The following EPM2A variants were observed in gnomAD, a reference collection of about 807,000 sequenced individuals.
EPM2A encodes laforin.
In EPM2A, 21 loss-of-function variants were observed where a neutral mutation model predicts 26.5. That is an observed-to-expected ratio of 0.79 (90% CI 0.56 to 1.14). The LOEUF (loss-of-function observed/expected upper bound fraction) is 1.14. Among genes scored for constraint, EPM2A ranks in the 50% most tolerant of loss-of-function variants. The probability of loss-of-function intolerance (pLI) is 0.00; values close to 1 mark genes in which losing one functional copy is unlikely to be tolerated. For missense variants in EPM2A, 458 were observed against 440.8 expected (o/e 1.04, Z -0.35); for synonymous variants, 217 against 177.6 (o/e 1.22, Z -1.76).
intron 2 of EPM2A, among the ~76,000 whole-genome samples, chr6:145,548,773 C>T (rs1023541331): frequency 1.8e-4 from 27 of 152,044 alleles, no homozygotes; most frequent in African/African-American, 5.3e-4. Flanking sequence ...GAGCTAAACT[C>T]GGCTCTCACT....
rs141101863 is a variant in EPM2A at position 145,437,211 on chromosome 6, C to A, written c.556-53114G>T. Among the ~76,000 whole-genome samples the A allele has an allele frequency of 3.0e-4, 45 of 152,104 alleles. No individual in the cohort carries two copies. In the East Asian group the frequency reaches 8.0e-3, roughly 27 times the overall value. ...TCTGATGGTTTAAAAGTGTGTGGTA[C>A]TTCCCCCACCGCCCCCCTCCTGCCT... On this transcript the variant is annotated intron_variant, in intron 4 of 4. Coordinates refer to the EPM2A transcript ENST00000638717.
intron 2 of EPM2A, among the ~76,000 whole-genome samples, chr6:145,593,615 A>G (rs1377711740): frequency 6.6e-6 from 1 of 152,110 alleles, no homozygotes; most frequent in Non-Finnish European, 1.5e-5. Flanking sequence ...ACTAGAATTT[A>G]GCAACAGAAA....
intron 1 of EPM2A, among the ~76,000 whole-genome samples, chr6:145,720,651 C>T (rs910460289): frequency 1.3e-5 from 2 of 152,170 alleles, no homozygotes; most frequent in African/African-American, 4.8e-5. Flanking sequence ...TAGACTTTTG[C>T]TGACTCCAAA....
At chr6:145,579,682 G>A (rs1181095020) in intron 2 of EPM2A, among the ~76,000 whole-genome samples, 1 of 152,218 alleles carries the variant, frequency 6.6e-6, no homozygotes, top group East Asian at 1.9e-4. Context: ...TACATTTATT[G>A]TGATCATTGA....
intron 4 of EPM2A, among the ~76,000 whole-genome samples, chr6:145,386,261 A>G (rs755213200): frequency 2.0e-5 from 3 of 152,182 alleles, no homozygotes; most frequent in Non-Finnish European, 4.4e-5. Flanking sequence ...TGTTAAACAA[A>G]TAAGTCACTT....
intron 1 of EPM2A, among the ~76,000 whole-genome samples, chr6:145,706,317 T>C (rs1277654961): frequency 6.6e-6 from 1 of 152,174 alleles, no homozygotes; most frequent in African/African-American, 2.4e-5. Context: ...AATCAACACA[T>C]TAGGTTACCT....
At chr6:145,679,670 C>A (rs1436735596) in intron 2 of EPM2A, among the ~76,000 whole-genome samples, 1 of 152,044 alleles carries the variant, frequency 6.6e-6, no homozygotes, top group East Asian at 1.9e-4. Context: ...CATACCAAGA[C>A]ATTCATCATG....
At chr6:145,508,318 C>T (rs1780006946) in intron 2 of EPM2A, among the ~76,000 whole-genome samples, 2 of 152,172 alleles carry the variant, frequency 1.3e-5, no homozygotes, top group Admixed American at 6.6e-5. Flanking sequence ...TTGTTTCTGC[C>T]CATGCTAAGG....
intron 2 of EPM2A, among the ~76,000 whole-genome samples, chr6:145,515,734 C>T (rs1380361553): frequency 6.6e-6 from 1 of 152,152 alleles, no homozygotes; most frequent in Non-Finnish European, 1.5e-5. Context: ...AACATTCAAA[C>T]CACAGTAAGG....
At chr6:145,507,124 T>C (rs1042700678) in intron 2 of EPM2A, among the ~76,000 whole-genome samples, 1 of 152,230 alleles carries the variant, frequency 6.6e-6, no homozygotes, top group Non-Finnish European at 1.5e-5. Context: ...AAAAATCAAA[T>C]ACTTCATATC....
At chr6:145,628,763 C>G (rs1776022627) in intron 3 of EPM2A, 1 of 152,182 alleles carries the variant, frequency 6.6e-6, no homozygotes, top group Admixed American at 6.5e-5. Flanking sequence ...ATGGGAACAC[C>G]CCTCCCTCGA....
chr6:145,660,871 T>C (rs1044504654), intron 2 of EPM2A, among the ~76,000 whole-genome samples: 1 of 152,204 alleles, frequency 6.6e-6, no homozygotes, highest in African/African-American at 2.4e-5. Context: ...CAAAGTCACC[T>C]AATCAGCATA....
exon 5 of EPM2A, chr6:145,383,763 G>A (rs1478338445): frequency 6.6e-6 from 1 of 152,070 alleles, no homozygotes; most frequent in Non-Finnish European, 1.5e-5. Context: ...AAAAACATAA[G>A]ACACAAGATT....
At chr6:145,412,344 C>T (rs1158282763) in intron 4 of EPM2A, among the ~76,000 whole-genome samples, 1 of 152,084 alleles carries the variant, frequency 6.6e-6, no homozygotes, top group East Asian at 1.9e-4. Flanking sequence ...ATAATATACA[C>T]ACATTCCTCA....
chr6:145,690,214 T>A (rs556530110), intron 1 of EPM2A, among the ~76,000 whole-genome samples: 1 of 152,232 alleles, frequency 6.6e-6, no homozygotes, highest in South Asian at 2.1e-4. Flanking sequence ...AAGGTTTGCA[T>A]AAGAGCTAAC....
intron 1 of EPM2A, among the ~76,000 whole-genome samples, chr6:145,688,276 C>A (rs1562490804): frequency 6.6e-6 from 1 of 152,026 alleles, no homozygotes; most frequent in Non-Finnish European, 1.5e-5. Context: ...CTATATTGGC[C>A]TAGGTAGTTT....
At position 145,669,237 on chromosome 6, in the gene EPM2A, G is replaced by A. The variant is rs1419704051; in HGVS notation, c.476+16885C>T. On this transcript the variant is annotated intron_variant, in intron 2 of 3. Coordinates refer to ENST00000367519, the MANE Select transcript of EPM2A (RefSeq NM_005670.4). Reference sequence around the variant, plus strand: ...CAAAGAGTTCATGTTTCATAAAAAAGTCTGTGAACAGAAAAGTTATAATAG... The same window carrying A: ...CAAAGAGTTCATGTTTCATAAAAAAATCTGTGAACAGAAAAGTTATAATAG... Among the ~76,000 whole-genome samples the A allele has an allele frequency of 5.3e-5, 8 of 152,266 alleles. 1 individual carries two copies. The South Asian group carries it at 1.5e-3, about 28-fold the overall frequency.
At chr6:145,509,130 A>G (rs546080174) in intron 2 of EPM2A, among the ~76,000 whole-genome samples, 1 of 152,280 alleles carries the variant, frequency 6.6e-6, no homozygotes, top group South Asian at 2.1e-4. Flanking sequence ...CATTCCTGAG[A>G]GAGAGAAGAA....
rs573527689 is a variant in EPM2A, at chr6:145,604,481, AT to A, written c.340+30763del. On this transcript the variant is annotated intron_variant, in intron 2 of 3. Transcript: ENST00000450221. ...CTTTCACTGGCTCTTATAAATGCAC[AT>A]TTTATATTGAGTCTGCAAAAAACCA... is the stretch of plus-strand genomic sequence containing the variant. Among the ~76,000 whole-genome samples the A allele has an allele frequency of 2.6e-3, 398 of 152,256 alleles. 5 individuals carry two copies. The highest frequency in any genetic ancestry group is 9.1e-3 in the African/African-American group (380 of 41,586).
Sources: gnomAD v4.1 joint callset for allele counts (sites outside exome capture counted in the v4.1 genomes callset) on GRCh38, gnomAD v4.1.1 for gene constraint, MANE v1.5 for transcripts, NCBI Gene and HGNC (gene_info 2026-07-23, HGNC 2026-07-21) for gene names.